KIF26B: variants seen among roughly 807,000 people sequenced by gnomAD.
The protein encoded by KIF26B is kinesin family member 26B, also known as kinesin-like protein KIF26B.
Under a neutral mutation model 151.2 loss-of-function variants are expected in KIF26B, and 63 were observed. The observed-to-expected ratio is 0.42, with a 90% CI of 0.34 to 0.51. The LOEUF is 0.51. Ranked by LOEUF, KIF26B falls within the 20% of genes least tolerant of loss-of-function variation. The probability of loss-of-function intolerance (pLI) is 0.07; values close to 1 mark genes in which losing one functional copy is unlikely to be tolerated. For missense variants in KIF26B, 2,813 were observed against 2,913.6 expected, an observed-to-expected ratio of 0.97 and a Z score of 0.79; for synonymous variants, 1,357 against 1,262.1, an observed-to-expected ratio of 1.08 and a Z score of -1.59.
intron 4 of KIF26B, among the ~76,000 whole-genome samples, chr1:245,502,895 C>T (rs1429282686): frequency 3.4e-5 from 5 of 148,166 alleles, no homozygotes; most frequent in Non-Finnish European, 7.4e-5. Context: ...GAGTTTCGCT[C>T]TTGTTGCCCA....
rs758993117 is a variant in KIF26B, at chr1:245,184,050, G to GTTTTT, written c.465+27382_465+27386dup. Among the ~76,000 whole-genome samples the GTTTTT allele has an allele frequency of 3.0e-3, 60 of 19,800 alleles. 14 individuals are homozygous for GTTTTT. The highest frequency in any genetic ancestry group is 0.067 in the Middle Eastern group (2 of 30). 13.0% of individuals were successfully genotyped at this position (19,800 alleles called of 152,430 possible). A position where few individuals can be genotyped will look rare whatever the true frequency, so the allele number is the denominator to read the frequency against. On this transcript the variant is annotated intron_variant, in intron 2 of 14. Coordinates refer to ENST00000407071, the MANE Select transcript of KIF26B (RefSeq NM_018012.4). ...GCAACAGGTATGGGTGGGAGTTGTT[G>GTTTTT]TTTTTTTTTTTTTTTTTTTGAGCTT...
At position 245,686,014 on chromosome 1, in the gene KIF26B, G is replaced by T. The variant is rs760038696; in HGVS notation, c.3031G>T (p.Ala1011Ser). ...GAGGAGTCACTCACCTGTGCCCGCC[G>T]CGGCACCCGCCCACAGCCCCAGCCC... is the stretch of plus-strand genomic sequence containing the variant. ...MQRSHSPVPA[A>S]APAHSPSPAS... The change falls in exon 12 of 15, where the codon GCG (alanine) becomes TCG (serine). Residue 1011 changes from alanine to serine, a missense_variant. By Grantham distance (99) the Ala-to-Ser change is moderately conservative. Coordinates refer to ENST00000407071, the MANE Select transcript of KIF26B (RefSeq NM_018012.4). The surrounding 1 kb of genome is among the most constrained non-coding windows in gnomAD (Gnocchi z 5.6). The T allele has an allele frequency of 1.3e-6, 2 of 1,591,492 alleles. No homozygotes were observed. The highest frequency in any genetic ancestry group is 1.3e-5 in the African/African-American group (1 of 74,436).
intron 2 of KIF26B, among the ~76,000 whole-genome samples, chr1:245,267,210 A>T (rs1296485047): frequency 6.6e-6 from 1 of 152,198 alleles, no homozygotes; most frequent in Non-Finnish European, 1.5e-5. Flanking sequence ...CTTTTACCTC[A>T]CTGTGGCCAT....
At chr1:245,548,460 C>T (rs931629905) in intron 5 of KIF26B, among the ~76,000 whole-genome samples, 1 of 152,140 alleles carries the variant, frequency 6.6e-6, no homozygotes, top group African/African-American at 2.4e-5. Flanking sequence ...CGAGTTGTCC[C>T]AGGGTTTTAC....
chr1:245,683,644 C>G (rs989431960), intron 10 of KIF26B, among the ~76,000 whole-genome samples: 1 of 152,140 alleles, frequency 6.6e-6, no homozygotes, highest in African/African-American at 2.4e-5. Flanking sequence ...CTGTGTTTCT[C>G]CCCTAGTCTT....
intron 4 of KIF26B, among the ~76,000 whole-genome samples, chr1:245,500,777 C>T (rs1372948725): frequency 2.0e-5 from 3 of 152,180 alleles, no homozygotes; most frequent in East Asian, 1.9e-4. Flanking sequence ...CTCCTGATGG[C>T]GAGATGCTGA....
intron 4 of KIF26B, among the ~76,000 whole-genome samples, chr1:245,467,953 T>C (rs1659831621): frequency 6.6e-6 from 1 of 151,592 alleles, no homozygotes; most frequent in Non-Finnish European, 1.5e-5. Flanking sequence ...CCTTTAATAA[T>C]GGTTTAAATC....
chr1:245,644,049 A>C (rs889079150), intron 9 of KIF26B, among the ~76,000 whole-genome samples: 3 of 152,014 alleles, frequency 2.0e-5, no homozygotes, highest in African/African-American at 7.3e-5. Context: ...AATGTGGGGA[A>C]GTTTTAGCCA....
At chr1:245,298,122 G>T (rs1671368889) in intron 2 of KIF26B, among the ~76,000 whole-genome samples, 1 of 152,042 alleles carries the variant, frequency 6.6e-6, no homozygotes, top group South Asian at 2.1e-4. Flanking sequence ...CCTGACCTCA[G>T]GTGATCTGCC....
chr1:245,564,048 G>C lies in KIF26B; in HGVS notation c.1350+23098G>C, dbSNP rs184015582. Among the ~76,000 whole-genome samples, 7 of 152,234 alleles carry C rather than the reference G, an allele frequency of 4.6e-5. No homozygotes were observed. The highest frequency in any genetic ancestry group is 1.7e-4 in the African/African-American group (7 of 41,544). On this transcript the variant is annotated intron_variant, in intron 5 of 14. Coordinates refer to ENST00000407071, the MANE Select transcript of KIF26B (RefSeq NM_018012.4). This position sits in a 1 kb window ranked among gnomAD's most constrained non-coding sequence, Gnocchi z 4.6. Reference sequence around the variant, plus strand: ...AGCTAGATTGCTCGTGAACAGCTAAGCAGGTCACGCTGAGCTCGACACAGT... The same window carrying C: ...AGCTAGATTGCTCGTGAACAGCTAACCAGGTCACGCTGAGCTCGACACAGT...
intron 5 of KIF26B, among the ~76,000 whole-genome samples, chr1:245,559,689 G>A (rs553748306): frequency 8.9e-4 from 136 of 152,286 alleles, no homozygotes; most frequent in Admixed American, 4.4e-3. Context: ...TGGGACTACA[G>A]GCGTGAGCCA....
At chr1:245,474,747 T>A (rs959909515) in intron 4 of KIF26B, among the ~76,000 whole-genome samples, 9 of 151,964 alleles carry the variant, frequency 5.9e-5, no homozygotes, top group African/African-American at 1.9e-4. Context: ...TAGCACACTG[T>A]ATACTTGTAC....
chr1:245,199,992 A>G (rs1669269173), intron 2 of KIF26B, among the ~76,000 whole-genome samples: 1 of 152,250 alleles, frequency 6.6e-6, no homozygotes, highest in Admixed American at 6.5e-5. Context: ...GTCTGTCAGC[A>G]GCAAATCGAA....
chr1:245,641,406 C>T (rs574754431), intron 9 of KIF26B, among the ~76,000 whole-genome samples: 1 of 152,208 alleles, frequency 6.6e-6, no homozygotes, highest in South Asian at 2.1e-4. Flanking sequence ...TGTGTTATTT[C>T]TTTGAATAAG....
chr1:245,222,939 T>C (rs760333507), intron 2 of KIF26B, among the ~76,000 whole-genome samples: 9 of 152,236 alleles, frequency 5.9e-5, no homozygotes, highest in African/African-American at 1.9e-4. Context: ...TGTATGCCCA[T>C]CATCTTGTTT....
intron 2 of KIF26B, among the ~76,000 whole-genome samples, chr1:245,344,741 G>A (rs1178743202): frequency 1.3e-5 from 2 of 152,112 alleles, no homozygotes; most frequent in East Asian, 3.9e-4. Flanking sequence ...ATCTTTACCA[G>A]TGTGTGAGAA....
chr1:245,616,314 G>A (rs1285858616), intron 9 of KIF26B, among the ~76,000 whole-genome samples: 3 of 152,188 alleles, frequency 2.0e-5, no homozygotes, highest in Admixed American at 6.5e-5. Flanking sequence ...GCCTTCCTCT[G>A]CTTTGCGAAG....
intron 2 of KIF26B, among the ~76,000 whole-genome samples, chr1:245,269,886 G>C (rs1331813969): frequency 6.6e-6 from 1 of 152,066 alleles, no homozygotes; most frequent in East Asian, 1.9e-4. Context: ...TTGCTATCGT[G>C]AACAGTGATG....
intron 4 of KIF26B, among the ~76,000 whole-genome samples, chr1:245,523,876 A>G (rs2103092473): frequency 6.6e-6 from 1 of 152,332 alleles, no homozygotes; most frequent in South Asian, 2.1e-4. Context: ...ACAGTATACC[A>G]TTAGATGTGA....
Sources: gnomAD v4.1 joint callset for allele counts (sites outside exome capture counted in the v4.1 genomes callset) on GRCh38, gnomAD v4.1.1 for gene constraint, Gnocchi (gnomAD v3.1) non-coding constraint, MANE v1.5 for transcripts, NCBI Gene and HGNC (gene_info 2026-07-23, HGNC 2026-07-21) for gene names.